Variants in TENM3 observed in about 807,000 individuals in gnomAD.
TENM3 encodes the protein teneurin-3.
A neutral mutation model predicts 255.1 loss-of-function variants in TENM3; 63 were observed. That is an observed-to-expected ratio of 0.25 (90% CI 0.20 to 0.30). The LOEUF is 0.30. TENM3 is among the 10% of genes least tolerant of loss of function. The pLI is 1.00. For missense variants in TENM3, 2,929 were observed against 3,461.1 expected, an observed-to-expected ratio of 0.85 and a Z score of 3.86; for synonymous variants, 1,306 against 1,322.3, an observed-to-expected ratio of 0.99 and a Z score of 0.27.
rs1175135371 is a variant in TENM3, at chr4:182,743,162, T to C, written c.3380-8T>C. On this transcript the variant is annotated splice_region_variant and splice_polypyrimidine_tract_variant and intron_variant, in intron 18 of 27. Coordinates refer to ENST00000511685, the MANE Select transcript of TENM3 (RefSeq NM_001080477.4). ...CATAAGAAAAACAATGCACTTTATT[T>C]CTTCTAGGTATACTGTACAAGGGAA... 5 of 1,575,836 alleles carry C rather than the reference T, an allele frequency of 3.2e-6. No homozygotes were observed. The highest frequency in any genetic ancestry group is 4.3e-6 in the Non-Finnish European group (5 of 1,155,036).
the TENM3 span, among the ~76,000 whole-genome samples, chr4:181,624,518 G>A: frequency 1.4e-4 from 21 of 152,244 alleles, no homozygotes; most frequent in East Asian, 2.9e-3. Context: ...CTATGTTTAT[G>A]AGCTCACTTT....
At chr4:181,545,320 C>T in the TENM3 span, among the ~76,000 whole-genome samples, 1 of 151,956 alleles carries the variant, frequency 6.6e-6, no homozygotes, top group Non-Finnish European at 1.5e-5. Flanking sequence ...ATGAAGTGTC[C>T]CATTTGAAAC....
Position 182,227,643 on chromosome 4 carries a change from T to G in TENM3, c.-76+82889T>G, listed in dbSNP as rs532883091. ...TTCGTGTAGATGTGCAGGGCTTTTT[T>G]TTTTTTTTTTTCCTTTTCAACCTTG... is the stretch of plus-strand genomic sequence containing the variant. On this transcript the variant is annotated intron_variant, in intron 1 of 2. Transcript: ENST00000512480. Among the ~76,000 whole-genome samples the G allele has an allele frequency of 7.5e-4, 114 of 151,972 alleles. 1 individual carries two copies. Among genetic ancestry groups the G allele is most frequent in the Non-Finnish European group, 1.3e-3 (89 of 67,950 alleles).
the TENM3 span, among the ~76,000 whole-genome samples, chr4:181,837,596 G>C: frequency 2.0e-5 from 3 of 152,180 alleles, no homozygotes; most frequent in African/African-American, 7.2e-5. Context: ...GTTTCAGCAA[G>C]GGACCTATGC....
intron 24 of TENM3, among the ~76,000 whole-genome samples, chr4:182,787,291 G>A (rs982692397): frequency 6.6e-6 from 1 of 152,168 alleles, no homozygotes; most frequent in African/African-American, 2.4e-5. Context: ...GACTCAGAGG[G>A]GTTGAAAGCC....
At chr4:182,464,831 G>C (rs907693460) in intron 3 of TENM3, among the ~76,000 whole-genome samples, 3 of 152,086 alleles carry the variant, frequency 2.0e-5, no homozygotes, top group African/African-American at 7.2e-5. Flanking sequence ...CTTATAAACT[G>C]TTGTTTTGTA....
intron 1 of TENM3, among the ~76,000 whole-genome samples, chr4:182,154,979 A>G (rs772429985): frequency 3.1e-4 from 47 of 152,258 alleles, no homozygotes; most frequent in Non-Finnish European, 5.9e-4. Flanking sequence ...TTCTAAGGAG[A>G]CCTCTGTTTT....
At chr4:181,779,140 G>C in the TENM3 span, among the ~76,000 whole-genome samples, 1 of 152,062 alleles carries the variant, frequency 6.6e-6, no homozygotes, top group Non-Finnish European at 1.5e-5. Flanking sequence ...GGACACGCTT[G>C]ATCTACCAGC....
chr4:182,208,955 T>G (rs1259217660), intron 1 of TENM3, among the ~76,000 whole-genome samples: 2 of 151,928 alleles, frequency 1.3e-5, no homozygotes, highest in East Asian at 3.9e-4. Flanking sequence ...TGGGCTCAGC[T>G]GTCCCTCTTT....
the TENM3 span, among the ~76,000 whole-genome samples, chr4:181,716,555 A>C: frequency 6.6e-6 from 1 of 152,152 alleles, no homozygotes; most frequent in East Asian, 1.9e-4. Context: ...TGAATCCCAG[A>C]TCTCCCATCT....
the TENM3 span, among the ~76,000 whole-genome samples, chr4:181,605,581 AAAGGAAAGAAAGAAAG>A: frequency 3.0e-5 from 1 of 33,802 alleles, no homozygotes; most frequent in African/African-American, 5.9e-5. Flanking sequence ...AGAGAGAAAG[AAAGGAAAGAAAGAAAG>A]AAAGAAAGAA....
At chr4:182,635,728 C>T (rs1481908183) in intron 5 of TENM3, among the ~76,000 whole-genome samples, 2 of 152,174 alleles carry the variant, frequency 1.3e-5, no homozygotes, top group African/African-American at 4.8e-5. Flanking sequence ...GGCTGTTTAA[C>T]AACATAAGCA....
intron 3 of TENM3, among the ~76,000 whole-genome samples, chr4:182,357,120 T>C (rs1765606939): frequency 6.6e-6 from 1 of 152,176 alleles, no homozygotes; most frequent in South Asian, 2.1e-4. Flanking sequence ...TCTATCGTTG[T>C]TGGACATTTG....
At chr4:182,139,897 C>T (rs760794412), upstream of TENM3, among the ~76,000 whole-genome samples, 15 of 152,208 alleles carry the variant, frequency 9.9e-5, no homozygotes, top group Admixed American at 4.6e-4. Flanking sequence ...AAGGTTGCTT[C>T]GTCTCATCAC....
At chr4:182,065,971 A>T in the TENM3 span, among the ~76,000 whole-genome samples, 1 of 152,180 alleles carries the variant, frequency 6.6e-6, no homozygotes, top group African/African-American at 2.4e-5. Context: ...CTGGTGTGCA[A>T]GTATATGCCT....
chr4:182,052,475 G>A, the TENM3 span, among the ~76,000 whole-genome samples: 1 of 152,104 alleles, frequency 6.6e-6, no homozygotes, highest in East Asian at 1.9e-4. Context: ...TTTCTCAAGG[G>A]CCAGCTGGGC....
intron 4 of TENM3, among the ~76,000 whole-genome samples, chr4:182,625,909 C>T (rs1750774736): frequency 6.6e-6 from 1 of 152,118 alleles, no homozygotes; most frequent in African/African-American, 2.4e-5. Flanking sequence ...ATTCACAGGC[C>T]AGATCTAGCC....
intron 19 of TENM3, among the ~76,000 whole-genome samples, chr4:182,743,869 A>C (rs1455783838): frequency 6.6e-6 from 1 of 152,150 alleles, no homozygotes; most frequent in Non-Finnish European, 1.5e-5. Context: ...GGTTGGGTTA[A>C]TCCATTAGCC....
intron 3 of TENM3, among the ~76,000 whole-genome samples, chr4:182,594,683 G>GGTGTGTGTGTGTGTGT (rs67667219): frequency 1.6e-4 from 22 of 138,250 alleles, no homozygotes; most frequent in African/African-American, 5.9e-4. Context: ...TTTTTGTTTT[G>GGTGTGTGTGTGTGTGT]GTGTGTGTGT....
Sources: allele counts gnomAD v4.1 joint callset (sites outside exome capture counted in the v4.1 genomes callset), GRCh38; gene constraint gnomAD v4.1.1; transcripts MANE v1.5; gene names NCBI Gene and HGNC (gene_info 2026-07-23, HGNC 2026-07-21).